Variants in SCAF8 observed in about 807,000 individuals in gnomAD.
SCAF8 encodes the protein SR-related and CTD-associated factor 8.
In SCAF8, 23 loss-of-function variants were observed where a neutral mutation model predicts 140.5. The ratio of observed to expected loss-of-function variants is 0.16; its 90% CI spans 0.12 to 0.23. The LOEUF (loss-of-function observed/expected upper bound fraction) is 0.23. SCAF8 is among the 10% of genes least tolerant of loss of function. The pLI, the probability that SCAF8 is intolerant of heterozygous loss-of-function variation, is 1.00. For synonymous variants in SCAF8, 575 were observed against 528.9 expected, an observed-to-expected ratio of 1.09 and a Z score of -1.20; for missense variants, 1,397 against 1,555.7, an observed-to-expected ratio of 0.90 and a Z score of 1.72.
At chr6:154,776,707 A>G (rs1357012581) in intron 2 of SCAF8, among the ~76,000 whole-genome samples, 1 of 152,154 alleles carries the variant, frequency 6.6e-6, no homozygotes, top group Non-Finnish European at 1.5e-5. Context: ...AACTTACTTT[A>G]TTGTAAGTAA....
chr6:154,831,190 G>A, intron 19 of SCAF8, 50 bp downstream of exon 19: 1 of 1,178,658 alleles, frequency 8.5e-7, no homozygotes, highest in Non-Finnish European at 1.2e-6. Context: ...CTCTGTATTT[G>A]GTGTTTAATT....
At chr6:154,746,735 C>G (rs1778708848) in intron 1 of SCAF8, among the ~76,000 whole-genome samples, 1 of 152,158 alleles carries the variant, frequency 6.6e-6, no homozygotes, top group African/African-American at 2.4e-5. Context: ...ATACTATGTA[C>G]AAACATTACT....
intron 6 of SCAF8, among the ~76,000 whole-genome samples, chr6:154,798,961 G>C (rs1777687553): frequency 6.6e-6 from 1 of 151,002 alleles, no homozygotes; most frequent in African/African-American, 2.4e-5. Flanking sequence ...AGCATGCCTG[G>C]TTAATTTTTT....
intron 1 of SCAF8, among the ~76,000 whole-genome samples, chr6:154,757,873 T>C (rs1217730173): frequency 6.6e-6 from 1 of 151,888 alleles, no homozygotes; most frequent in East Asian, 1.9e-4. Context: ...CCTCGAGCAG[T>C]GGACAGATTC....
In SCAF8 at chr6:154,787,981, A is replaced by G; in HGVS notation, c.280A>G (p.Ser94Gly). The G allele has an allele frequency of 1.2e-6, 2 of 1,612,926 alleles. No homozygotes were observed. Among genetic ancestry groups the G allele is most frequent in the Non-Finnish European group, 1.7e-6 (2 of 1,179,734 alleles). Residue 94 changes from serine (S) to glycine (G), a missense_variant, in exon 4 of 20, where the codon AGC becomes GGC. Ser to Gly is a moderately conservative substitution (Grantham distance 56). Coordinates refer to ENST00000367178, the MANE Select transcript of SCAF8 (RefSeq NM_014892.5). ...FAPRFSNNII[S>G]TFQNLYRCPG... ...ACCCAGATTTAGTAATAACATCATT[A>G]GCACTTTCCAGAATTTATATCGTTG...
intron 1 of SCAF8, among the ~76,000 whole-genome samples, chr6:154,746,000 C>A (rs904155758): frequency 2.6e-5 from 4 of 152,108 alleles, no homozygotes; most frequent in Admixed American, 2.0e-4. Context: ...ATTCTCGTGC[C>A]TCAGCCTCCT....
intron 10 of SCAF8, 141 bp downstream of exon 10, chr6:154,808,342 G>T (rs1777984592): frequency 8.0e-6 from 7 of 876,896 alleles, no homozygotes; most frequent in Middle Eastern, 3.5e-4. Flanking sequence ...ATTAGGCCAA[G>T]CTTGTCCAAG....
chr6:154,768,580 C>G (rs1189960984), intron 1 of SCAF8, among the ~76,000 whole-genome samples: 6 of 152,140 alleles, frequency 3.9e-5, no homozygotes, highest in Admixed American at 3.9e-4. Flanking sequence ...ATGTTTCTCT[C>G]TCCTGTGAAT....
intron 17 of SCAF8, among the ~76,000 whole-genome samples, chr6:154,825,524 G>A (rs542338995): frequency 4.2e-4 from 63 of 151,586 alleles, no homozygotes; most frequent in African/African-American, 1.5e-3. Flanking sequence ...AAATAAGAAA[G>A]TAGCCAGGTG....
At chr6:154,758,720 A>T (rs903398556) in intron 1 of SCAF8, among the ~76,000 whole-genome samples, 4 of 152,160 alleles carry the variant, frequency 2.6e-5, no homozygotes, top group African/African-American at 7.2e-5. Context: ...TTCTTTGGAT[A>T]ATAGAGACCT....
chr6:154,808,278 T>C, intron 10 of SCAF8, 77 bp downstream of exon 10: 1 of 1,339,906 alleles, frequency 7.5e-7, no homozygotes, highest in Non-Finnish European at 1.0e-6. Flanking sequence ...ATACTAGCAG[T>C]GCCCTGAATA....
At chr6:154,783,176 C>T (rs541014330) in intron 3 of SCAF8, among the ~76,000 whole-genome samples, 1 of 152,260 alleles carries the variant, frequency 6.6e-6, no homozygotes, top group Admixed American at 6.5e-5. Flanking sequence ...ATCCTCAGCT[C>T]TGTTCCAAAA....
chr6:154,790,140 A>T (rs1212973444), intron 4 of SCAF8, among the ~76,000 whole-genome samples: 3 of 152,174 alleles, frequency 2.0e-5, no homozygotes, highest in African/African-American at 7.2e-5. Flanking sequence ...TCAATCATAA[A>T]TGAAGGACAT....
rs1488508334 is a variant in SCAF8, at chr6:154,802,051, T to G, written c.687T>G (p.Leu229=). 1.2e-6 allele frequency: 2 copies of G among 1,613,458 alleles called. No homozygotes were observed. Among genetic ancestry groups the G allele is most frequent in the Non-Finnish European group, 1.7e-6 (2 of 1,179,654 alleles). ...PSILQALDAG[L]VVQLQALTAQ... Reference sequence around the variant, plus strand: ...TTCTGCAGGCCCTAGATGCTGGTCTTGTTGTTCAGTTGCAAGCTCTTACGG... The same window carrying G: ...TTCTGCAGGCCCTAGATGCTGGTCTGGTTGTTCAGTTGCAAGCTCTTACGG... Residue 229 remains leucine (L), a synonymous_variant, in exon 7 of 20, where the codon CTT becomes CTG. Coordinates refer to ENST00000367178, the MANE Select transcript of SCAF8 (RefSeq NM_014892.5).
chr6:154,833,319 A>G lies in SCAF8; in HGVS notation c.3740A>G (p.Asn1247Ser). 6.2e-7 allele frequency: 1 copy of G among 1,614,038 alleles called. No homozygotes were observed. The highest frequency in any genetic ancestry group is 1.1e-5 in the South Asian group (1 of 91,076). The stretch of plus-strand genomic sequence containing the variant: ...AAACTGACATCTTCAAATGAAATAA[A>G]CAAGGAGAAGAGTGACACAGTTGCT... ...YEKLTSSNEI[N>S]KEKSDTVADI... is the part of the protein sequence containing the mutation. Residue 1247 changes from asparagine to serine, a missense_variant, in exon 20 of 20, where the codon AAC (asparagine) becomes AGC (serine). This residue lies in a region of SCAF8 where 930 missense variants were observed against 874.6 expected (regional missense o/e 1.06). Coordinates refer to ENST00000367178, the MANE Select transcript of SCAF8 (RefSeq NM_014892.5).
intron 3 of SCAF8, 129 bp from the exon 4 acceptor site, chr6:154,787,732 A>G (rs751592064): frequency 1.4e-4 from 93 of 681,074 alleles, no homozygotes; most frequent in Middle Eastern, 4.1e-4. Flanking sequence ...GGAGTAGTCA[A>G]TGTATGAATA....
rs1357279541 is a variant in SCAF8 at position 154,811,412 on chromosome 6, C to T, written c.1420+1204C>T. Among the ~76,000 whole-genome samples, 4 of 149,516 alleles carry T rather than the reference C, an allele frequency of 2.7e-5. No individual in the cohort carries two copies. The East Asian group carries it at 7.9e-4, about 29-fold the overall frequency. ...TTTACACAGTTTTTTTTTTTTTAAC[C>T]ATTTAATTTTCTATTTCATTTTCCT... On this transcript the variant is annotated intron_variant, in intron 12 of 19. Transcript: ENST00000367178.
At chr6:154,818,965 T>C (rs1284669963) in intron 14 of SCAF8, among the ~76,000 whole-genome samples, 2 of 152,192 alleles carry the variant, frequency 1.3e-5, no homozygotes. Flanking sequence ...TAACTATACC[T>C]TCTAATTATA....
intron 13 of SCAF8, among the ~76,000 whole-genome samples, chr6:154,817,783 AAG>A (rs1386004715): frequency 6.6e-6 from 1 of 152,178 alleles, no homozygotes; most frequent in African/African-American, 2.4e-5. Context: ...GTTTCTCAGA[AAG>A]AAACAAATGC....
Sources: gnomAD v4.1 joint callset for allele counts (sites outside exome capture counted in the v4.1 genomes callset) on GRCh38, gnomAD v4.1.1 for gene constraint, gnomAD v4.1.1 regional missense constraint, MANE v1.5 for transcripts, NCBI Gene and HGNC (gene_info 2026-07-23, HGNC 2026-07-21) for gene names.